ATG5: variants seen among roughly 807,000 people sequenced by gnomAD.
ATG5 encodes the protein autophagy protein 5.
A neutral mutation model predicts 36.5 loss-of-function variants in ATG5; 14 were observed. The ratio of observed to expected loss-of-function variants is 0.38; its 90% CI spans 0.25 to 0.60. The LOEUF (loss-of-function observed/expected upper bound fraction) is 0.60. Ranked by LOEUF, ATG5 falls within the 20% of genes least tolerant of loss-of-function variation. The pLI is 0.60. For synonymous variants in ATG5, 95 were observed against 101.5 expected (o/e 0.94, Z 0.38); for missense variants, 195 against 326.7 (o/e 0.60, Z 3.11).
chr6:106,273,829 G>A (rs888655139), intron 5 of ATG5, among the ~76,000 whole-genome samples: 4 of 152,104 alleles, frequency 2.6e-5, no homozygotes, highest in African/African-American at 7.2e-5. Context: ...GAGCTGGAAC[G>A]GCTGCATTTA....
At chr6:106,204,542 C>G (rs1216859656) in intron 6 of ATG5, among the ~76,000 whole-genome samples, 1 of 152,148 alleles carries the variant, frequency 6.6e-6, no homozygotes, top group East Asian at 1.9e-4. Flanking sequence ...TTGTAATCCC[C>G]ACCCGTCTAG....
intron 6 of ATG5, among the ~76,000 whole-genome samples, chr6:106,238,473 C>T (rs1267179727): frequency 2.6e-5 from 4 of 152,318 alleles, no homozygotes; most frequent in South Asian, 2.1e-4. Flanking sequence ...CCTCTCTCCC[C>T]TTTCCTCCAA....
intron 5 of ATG5, among the ~76,000 whole-genome samples, chr6:106,275,185 C>T (rs1779593456): frequency 6.6e-6 from 1 of 152,190 alleles, no homozygotes; most frequent in Non-Finnish European, 1.5e-5. Context: ...AAAAGTATTC[C>T]TGATAAAAGA....
chr6:106,294,203 C>T (rs1780441635), intron 3 of ATG5, among the ~76,000 whole-genome samples: 1 of 152,046 alleles, frequency 6.6e-6, no homozygotes, highest in Non-Finnish European at 1.5e-5. Context: ...TATACACAGT[C>T]CTGTCTTTAT....
rs1419248972 is a variant in ATG5 at position 106,186,654 on chromosome 6, C to T, written c.714G>A (p.Val238=). 1 of 1,613,684 alleles carries T rather than the reference C, an allele frequency of 6.2e-7. No homozygotes were observed. The highest frequency in any genetic ancestry group is 8.5e-7 in the Non-Finnish European group (1 of 1,179,830). ...DPEDGEKKNQ[V]MIHGIEPMLE... is the part of the protein sequence containing the mutation. ...ACATTGGCTCAATTCCATGAATCAT[C>T]ACTTGATTCTTTTTTTCCCCATCTA... is the stretch of plus-strand genomic sequence containing the variant. Residue 238 remains valine (V), a synonymous_variant, in exon 8 of 8, where the codon GTG becomes GTA. Coordinates refer to ENST00000369076, the MANE Select transcript of ATG5 (RefSeq NM_004849.4).
At chr6:106,195,185 T>A (rs1260296328) in intron 7 of ATG5, among the ~76,000 whole-genome samples, 2 of 152,240 alleles carry the variant, frequency 1.3e-5, no homozygotes, top group African/African-American at 4.8e-5. Context: ...ACTAGTACAT[T>A]TGACTTTCAT....
intron 5 of ATG5, 127 bp from the exon 6 acceptor site, chr6:106,248,371 A>G: frequency 6.9e-6 from 4 of 576,864 alleles, no homozygotes; most frequent in South Asian, 3.2e-5. Context: ...ATATTTTCTT[A>G]TTTTTATTAA....
chr6:106,272,053 A>G (rs1331747403), intron 5 of ATG5, among the ~76,000 whole-genome samples: 1 of 152,176 alleles, frequency 6.6e-6, no homozygotes, highest in Non-Finnish European at 1.5e-5. Context: ...TTAAAATAAC[A>G]ACGCCCTTTC....
chr6:106,231,328 G>T (rs762860357), intron 6 of ATG5, among the ~76,000 whole-genome samples: 1 of 152,100 alleles, frequency 6.6e-6, no homozygotes, highest in Non-Finnish European at 1.5e-5. Context: ...CAGAAGTGTC[G>T]CCGTAACTGC....
intron 3 of ATG5, among the ~76,000 whole-genome samples, chr6:106,303,399 T>C (rs971848086): frequency 6.6e-6 from 1 of 152,038 alleles, no homozygotes; most frequent in Non-Finnish European, 1.5e-5. Context: ...TCTATATATA[T>C]CAAAGAAATT....
chr6:106,234,878 A>C (rs916526478), intron 6 of ATG5, among the ~76,000 whole-genome samples: 2 of 152,218 alleles, frequency 1.3e-5, no homozygotes, highest in Non-Finnish European at 1.5e-5. Context: ...TTGCAAGATC[A>C]ACTTAACTTC....
intron 6 of ATG5, among the ~76,000 whole-genome samples, chr6:106,224,996 C>T (rs535192818): frequency 8.2e-4 from 125 of 152,322 alleles, no homozygotes; most frequent in South Asian, 3.3e-3. Context: ...GGAGGCATGA[C>T]AAGCCATCAT....
intron 7 of ATG5, 53 bp downstream of exon 7, chr6:106,201,919 T>TA (rs1776445185): frequency 5.9e-6 from 8 of 1,353,354 alleles, no homozygotes; most frequent in Non-Finnish European, 8.3e-6. Context: ...ATGCTTATTT[T>TA]ACTTCAGTAA....
chr6:106,281,156 A>ATGTTGTTTGTGAATAC (rs1779863841), intron 4 of ATG5, among the ~76,000 whole-genome samples: 1 of 152,196 alleles, frequency 6.6e-6, no homozygotes, highest in Non-Finnish European at 1.5e-5. Context: ...AATTAATTGA[A>ATGTTGTTTGTGAATAC]AGTGATTAAA....
intron 6 of ATG5, among the ~76,000 whole-genome samples, chr6:106,207,350 C>T (rs1389593954): frequency 6.6e-6 from 1 of 151,818 alleles, no homozygotes; most frequent in East Asian, 1.9e-4. Context: ...TTTAGGAAAC[C>T]TTATGTATTT....
intron 4 of ATG5, chr6:106,283,582 T>C (rs1779963361): frequency 6.6e-6 from 1 of 152,110 alleles, no homozygotes; most frequent in Non-Finnish European, 1.5e-5. Flanking sequence ...GTCACCGTAT[T>C]GATGCTGAAC....
intron 6 of ATG5, among the ~76,000 whole-genome samples, chr6:106,233,356 A>C (rs1777762873): frequency 6.6e-6 from 1 of 152,198 alleles, no homozygotes; most frequent in African/African-American, 2.4e-5. Context: ...TAATTAAGGA[A>C]ACTCAGAAAG....
intron 6 of ATG5, among the ~76,000 whole-genome samples, chr6:106,219,511 C>T (rs964851107): frequency 2.6e-5 from 4 of 152,008 alleles, no homozygotes; most frequent in African/African-American, 9.7e-5. Flanking sequence ...GTTATCATTC[C>T]CTAACTACAG....
rs537025252 is a variant in ATG5 at position 106,311,445 on chromosome 6, G to C, written c.109-2954C>G. 3.3e-5 allele frequency among the ~76,000 whole-genome samples: 5 copies of C among 152,278 alleles called. No individual in the cohort carries two copies. The East Asian group carries it at 9.6e-4, about 29-fold the overall frequency. ...GACAAATAGGAGTGAAATGAACATG[G>C]GTGAGTGTGGAAGTCTGGGTGTGTG... On this transcript the variant is annotated intron_variant, in intron 2 of 7. Transcript: ENST00000369076.
Sources: allele counts gnomAD v4.1 joint callset (sites outside exome capture counted in the v4.1 genomes callset), GRCh38; gene constraint gnomAD v4.1.1; transcripts MANE v1.5; gene names NCBI Gene and HGNC (gene_info 2026-07-23, HGNC 2026-07-21).